The following LRBA variants were observed in gnomAD, a reference collection of about 807,000 sequenced individuals.
The protein encoded by LRBA is lipopolysaccharide-responsive and beige-like anchor protein.
In LRBA, 176 loss-of-function variants were observed where a neutral mutation model predicts 330.0. The observed-to-expected ratio is 0.53, with a 90% CI of 0.47 to 0.60. LRBA has a LOEUF of 0.60. Among genes scored for constraint, LRBA ranks in the 20% least tolerant of loss-of-function variants. The pLI, the probability that LRBA is intolerant of heterozygous loss-of-function variation, is 0.00. For missense variants in LRBA, 3,259 were observed against 3,444.8 expected, an observed-to-expected ratio of 0.95 and a Z score of 1.35; for synonymous variants, 1,230 against 1,193.0, an observed-to-expected ratio of 1.03 and a Z score of -0.64.
In LRBA at chr4:150,356,845, T is replaced by C. The variant is rs372681482; in HGVS notation, c.7195-6686A>G. 2.7e-4 allele frequency among the ~76,000 whole-genome samples: 41 copies of C among 152,070 alleles called. 1 individual carries two copies. In the South Asian group the frequency reaches 8.3e-3, roughly 31 times the overall value. On this transcript the variant is annotated intron_variant, in intron 47 of 56. Coordinates refer to ENST00000651943, the MANE Select transcript of LRBA (RefSeq NM_001364905.1). ...TCAGCTATTTACCTTAATATACATA[T>C]ATATATAATGTGAAACAAGCTTTAT...
At chr4:150,575,629 C>T (rs1174098457) in intron 40 of LRBA, among the ~76,000 whole-genome samples, 2 of 151,810 alleles carry the variant, frequency 1.3e-5, no homozygotes, top group African/African-American at 4.8e-5. Context: ...GCACATAATG[C>T]CAAATATTAT....
intron 34 of LRBA, among the ~76,000 whole-genome samples, chr4:150,789,504 AT>A (rs1158708293): frequency 6.6e-6 from 1 of 152,188 alleles, no homozygotes; most frequent in Non-Finnish European, 1.5e-5. Context: ...CTAAATAATA[AT>A]TTTATCGCAG....
chr4:150,766,940 G>C (rs1267314457), intron 34 of LRBA, among the ~76,000 whole-genome samples: 1 of 152,056 alleles, frequency 6.6e-6, no homozygotes, highest in Non-Finnish European at 1.5e-5. Flanking sequence ...CATAATTGTT[G>C]ACTAGTCAAT....
At chr4:150,552,950 T>A (rs909184678) in intron 40 of LRBA, among the ~76,000 whole-genome samples, 3 of 151,536 alleles carry the variant, frequency 2.0e-5, no homozygotes, top group Admixed American at 1.3e-4. Flanking sequence ...GCGCCTGTAG[T>A]CTCAGCTACT....
Position 150,760,635 on chromosome 4 carries a change from T to C in LRBA, c.5645+1148A>G, listed in dbSNP as rs573036010. ...GCCTTCAGATATTCTGTTCCCTGTG[T>C]TTGAAATGTTTTTCACACAAATGTC... is the stretch of plus-strand genomic sequence containing the variant. On this transcript the variant is annotated intron_variant, in intron 35 of 56. Transcript: ENST00000651943. 3.3e-5 allele frequency among the ~76,000 whole-genome samples: 5 copies of C among 152,200 alleles called. No homozygotes were observed. In the South Asian group the frequency reaches 1.0e-3, roughly 32 times the overall value.
rs562204792 is a variant in LRBA, at chr4:150,418,734, G to C, written c.7042-3144C>G. ...TCCCTTCACCTTTAATTTTAAGAGA[G>C]CAGACAGGCATTTCCTTTCTCAAGA... is the stretch of plus-strand genomic sequence containing the variant. On this transcript the variant is annotated intron_variant, in intron 46 of 56. Transcript: ENST00000651943. 4.6e-5 allele frequency among the ~76,000 whole-genome samples: 7 copies of C among 152,274 alleles called. No homozygotes were observed. In the South Asian group the frequency reaches 1.5e-3, roughly 32 times the overall value.
At chr4:150,437,554 CTA>C (rs367798983) in intron 44 of LRBA, among the ~76,000 whole-genome samples, 1 of 148,174 alleles carries the variant, frequency 6.7e-6, no homozygotes, top group East Asian at 2.0e-4. Context: ...AAAAATAATG[CTA>C]TATATATATC....
intron 54 of LRBA, among the ~76,000 whole-genome samples, chr4:150,283,954 G>C (rs1001684490): frequency 6.6e-6 from 1 of 152,140 alleles, no homozygotes; most frequent in Non-Finnish European, 1.5e-5. Flanking sequence ...TTGTCTCCCA[G>C]TGATAAAGCC....
At chr4:150,649,719 A>C (rs1779531291) in intron 37 of LRBA, among the ~76,000 whole-genome samples, 1 of 152,186 alleles carries the variant, frequency 6.6e-6, no homozygotes, top group African/African-American at 2.4e-5. Flanking sequence ...ACTTACATAT[A>C]TCACACTGTA....
chr4:150,384,504 C>T (rs971520497), intron 47 of LRBA, among the ~76,000 whole-genome samples: 1 of 152,124 alleles, frequency 6.6e-6, no homozygotes, highest in Non-Finnish European at 1.5e-5. Flanking sequence ...TGGCTGACTC[C>T]TAGTTAAGGT....
intron 37 of LRBA, among the ~76,000 whole-genome samples, chr4:150,660,301 T>TG (rs1172080244): frequency 0.83 from 251 of 304 alleles, 119 homozygotes; most frequent in South Asian, 1. Flanking sequence ...GGGAGGGAGG[T>TG]GGGGGGTCAG....
chr4:150,730,196 A>G (rs1298571042), intron 36 of LRBA, among the ~76,000 whole-genome samples: 4 of 152,218 alleles, frequency 2.6e-5, no homozygotes, highest in Non-Finnish European at 5.9e-5. Context: ...ACAGTCAACA[A>G]AGTGAAGAGA....
chr4:150,650,137 C>T (rs1437592855), intron 37 of LRBA, among the ~76,000 whole-genome samples: 4 of 152,160 alleles, frequency 2.6e-5, no homozygotes, highest in African/African-American at 7.2e-5. Flanking sequence ...TTCAAAGTTG[C>T]AAAGCCAGGA....
intron 26 of LRBA, among the ~76,000 whole-genome samples, chr4:150,846,389 G>T (rs188025354): frequency 1.3e-5 from 2 of 152,158 alleles, no homozygotes; most frequent in East Asian, 3.9e-4. Flanking sequence ...AATTAGCCGG[G>T]TGTGGTGGGG....
At chr4:150,789,513 C>A (rs932487644) in intron 34 of LRBA, among the ~76,000 whole-genome samples, 5 of 152,084 alleles carry the variant, frequency 3.3e-5, no homozygotes, top group Non-Finnish European at 5.9e-5. Flanking sequence ...AATTTTATCG[C>A]AGCACTAAGT....
chr4:150,982,270 T>G (rs1340656606), intron 2 of LRBA, among the ~76,000 whole-genome samples: 2 of 152,168 alleles, frequency 1.3e-5, no homozygotes, highest in African/African-American at 2.4e-5. Context: ...TAAATGTGCT[T>G]AATTATAATT....
chr4:150,763,840 AG>A (rs1279380918), intron 34 of LRBA, among the ~76,000 whole-genome samples: 1 of 151,966 alleles, frequency 6.6e-6, no homozygotes, highest in Non-Finnish European at 1.5e-5. Flanking sequence ...GGAAGGAGGC[AG>A]AAGCAGCTTA....
intron 2 of LRBA, among the ~76,000 whole-genome samples, chr4:151,010,020 T>A (rs1744635843): frequency 6.6e-6 from 1 of 151,160 alleles, no homozygotes; most frequent in African/African-American, 2.4e-5. Flanking sequence ...ATAAAAATTT[T>A]AAAGAGATGA....
chr4:151,009,474 A>G (rs1744546879), intron 2 of LRBA, among the ~76,000 whole-genome samples: 1 of 148,246 alleles, frequency 6.7e-6, no homozygotes, highest in Admixed American at 6.7e-5. Flanking sequence ...GCTTGAACCC[A>G]GGAAGTGGAG....
Sources: gnomAD v4.1 joint callset for allele counts (sites outside exome capture counted in the v4.1 genomes callset) on GRCh38, gnomAD v4.1.1 for gene constraint, MANE v1.5 for transcripts, NCBI Gene and HGNC (gene_info 2026-07-23, HGNC 2026-07-21) for gene names.